HHIPL2: variants seen among roughly 807,000 people sequenced by gnomAD.
HHIPL2 encodes HHIP-like protein 2.
A neutral mutation model predicts 61.0 loss-of-function variants in HHIPL2; 61 were observed. The ratio of observed to expected loss-of-function variants is 1.00; its 90% CI spans 0.81 to 1.24. The LOEUF (loss-of-function observed/expected upper bound fraction) is 1.24, where lower values mean the gene tolerates loss of function less well. Ranked by LOEUF, HHIPL2 falls within the 50% of genes most tolerant of loss-of-function variation. The probability of loss-of-function intolerance (pLI) is 0.00; values close to 1 mark genes in which losing one functional copy is unlikely to be tolerated. For synonymous variants in HHIPL2, 343 were observed against 357.4 expected, an observed-to-expected ratio of 0.96 and a Z score of 0.45; for missense variants, 885 against 910.2, an observed-to-expected ratio of 0.97 and a Z score of 0.36.
At chr1:222,531,823 T>C (rs1190378611) in intron 6 of HHIPL2, 143 bp downstream of exon 6, 3 of 585,894 alleles carry the variant, frequency 5.1e-6, no homozygotes, top group Non-Finnish European at 8.3e-6. Flanking sequence ...CTTAGAATAG[T>C]ATCCAGTACA....
rs73120996 is a variant in HHIPL2, at chr1:222,540,436, C to T, written c.1119-95G>A. ...CAGAAGGGCCGACTCATAGCTGATGCCAAGAGACTGCTAAGGATCCCATGG... is the reference window on the plus strand; with the variant it reads ...CAGAAGGGCCGACTCATAGCTGATGTCAAGAGACTGCTAAGGATCCCATGG... On this transcript the variant is annotated intron_variant, in intron 3 of 8. Coordinates refer to ENST00000343410, the MANE Select transcript of HHIPL2 (RefSeq NM_024746.4). The T allele has an allele frequency of 5.8e-3, 5,389 of 926,708 alleles. 192 individuals are homozygous for T. In the African/African-American group the frequency reaches 0.078, roughly 13 times the overall value. 57.4% of individuals were successfully genotyped at this position (926,708 alleles called of 1,614,324 possible).
Position 222,523,702 on chromosome 1 carries a change from C to T in HHIPL2, c.1806-8G>A. 6.2e-7 allele frequency: 1 copy of T among 1,614,058 alleles called. No homozygotes were observed. The highest frequency in any genetic ancestry group is 8.5e-7 in the Non-Finnish European group (1 of 1,179,938). On this transcript the variant is annotated splice_region_variant and splice_polypyrimidine_tract_variant and intron_variant, in intron 7 of 8. Coordinates refer to ENST00000343410, the MANE Select transcript of HHIPL2 (RefSeq NM_024746.4). ...TTGCCTGGGGGTGCTCGCCTAAAAA[C>T]ACAAACAGAAAGCATGAGGACGCAA... is the stretch of plus-strand genomic sequence containing the variant.
intron 7 of HHIPL2, 49 bp downstream of exon 7, chr1:222,526,920 T>C (rs372101017): frequency 3.9e-5 from 57 of 1,472,866 alleles, no homozygotes; most frequent in Non-Finnish European, 5.2e-5. Context: ...GCCATGGAGA[T>C]AAGAAATGAG....
Position 222,543,949 on chromosome 1 carries a change from C to G in HHIPL2, c.562G>C (p.Asp188His), listed in dbSNP as rs766318020. ...DYCFPNVLRNDYLNRHLGMVA... is the reference protein window; with the variant it reads ...DYCFPNVLRNHYLNRHLGMVA... ...ATGCCCAGGTGGCGGTTGAGATAGT[C>G]GTTCCTCAGGACATTAGGGAAGCAA... Residue 188 changes from aspartate to histidine, a missense_variant, in exon 2 of 9, where the codon GAC becomes CAC. By Grantham distance (81) the Asp-to-His change is moderately conservative. Transcript: ENST00000343410. 3.7e-6 allele frequency: 6 copies of G among 1,614,162 alleles called. No homozygotes were observed. The highest frequency in any genetic ancestry group is 2.2e-5 in the South Asian group (2 of 91,078).
chr1:222,529,971 G>A (rs1659153668), intron 6 of HHIPL2, among the ~76,000 whole-genome samples: 1 of 152,080 alleles, frequency 6.6e-6, no homozygotes, highest in Non-Finnish European at 1.5e-5. Context: ...ATATGGCAAG[G>A]GCAGAAAATA....
rs563813115 is a variant in HHIPL2, at chr1:222,543,967, G to A, written c.544C>T (p.Pro182Ser). The change falls in exon 2 of 9, where the codon CCT (proline) becomes TCT (serine). Residue 182 changes from proline (P) to serine (S), a missense_variant. Coordinates refer to ENST00000343410, the MANE Select transcript of HHIPL2 (RefSeq NM_024746.4). ...AGATAGTCGTTCCTCAGGACATTAG[G>A]GAAGCAATAGTCCTTGTCAGGAAGG... ...LDLPDKDYCF[P>S]NVLRNDYLNR... The A allele has an allele frequency of 1.9e-6, 3 of 1,614,184 alleles. No homozygotes were observed. The highest frequency in any genetic ancestry group is 1.1e-5 in the South Asian group (1 of 91,082).
rs781240863 is a variant in HHIPL2 at position 222,547,722 on chromosome 1, A to G, written c.321+2T>C. ...CTGGGGCTGGAAGGCACTTTTCACTACCTGGCAAAGGATGTCTTTAATGTA... is the reference window on the plus strand; with the variant it reads ...CTGGGGCTGGAAGGCACTTTTCACTGCCTGGCAAAGGATGTCTTTAATGTA... On this transcript the variant is annotated splice_donor_variant, in intron 1 of 8. Transcript: ENST00000343410. LOFTEE classifies it high-confidence loss of function. The G allele has an allele frequency of 1.9e-6, 3 of 1,608,866 alleles. No homozygotes were observed. The highest frequency in any genetic ancestry group is 4.5e-5 in the East Asian group (2 of 44,724).
At position 222,535,248 on chromosome 1, in the gene HHIPL2, G is replaced by T. The variant is rs148636207; in HGVS notation, c.1578-3137C>A. Among the ~76,000 whole-genome samples, 836 of 152,236 alleles carry T rather than the reference G, an allele frequency of 5.5e-3. 4 individuals carry two copies. The highest frequency in any genetic ancestry group is 0.018 in the African/African-American group (730 of 41,530). On this transcript the variant is annotated intron_variant, in intron 5 of 8. Transcript: ENST00000343410. ...CCTAGTGAAAATATCTTTCAAAAAT[G>T]AAGGCAAAATAAAGACTCCAAAAGT...
intron 5 of HHIPL2, among the ~76,000 whole-genome samples, chr1:222,534,266 C>T (rs981335146): frequency 6.6e-6 from 1 of 152,086 alleles, no homozygotes; most frequent in African/African-American, 2.4e-5. Flanking sequence ...GGCATCCAAT[C>T]AAAAATTGTG....
At position 222,543,571 on chromosome 1, in the gene HHIPL2, C is replaced by G. The variant is rs1294693697; in HGVS notation, c.940G>C (p.Ala314Pro). 1.2e-6 allele frequency: 2 copies of G among 1,613,824 alleles called. No individual in the cohort carries two copies. The highest frequency in any genetic ancestry group is 1.1e-5 in the South Asian group (1 of 91,036). The change falls in exon 2 of 9, where the codon GCT (alanine) becomes CCT (proline). Residue 314 changes from alanine to proline, a missense_variant. Physicochemically the swap from Ala to Pro is conservative, Grantham distance 27. Coordinates refer to ENST00000343410, the MANE Select transcript of HHIPL2 (RefSeq NM_024746.4). Reference protein sequence around the residue: ...IRISEMKVSRADPNKADLKSE... With the variant: ...IRISEMKVSRPDPNKADLKSE... ...TTCAGGTCAGCTTTGTTAGGATCAG[C>G]CCGAGAAACCTTCATCTCACTAATT...
At chr1:222,539,670 T>G (rs868324226) in intron 4 of HHIPL2, among the ~76,000 whole-genome samples, 2 of 152,332 alleles carry the variant, frequency 1.3e-5, no homozygotes, top group Middle Eastern at 3.4e-3. Flanking sequence ...AATTTTGGTC[T>G]GCCAGTGGTT....
At chr1:222,529,013 G>T (rs1451065066) in intron 6 of HHIPL2, among the ~76,000 whole-genome samples, 1 of 151,574 alleles carries the variant, frequency 6.6e-6, no homozygotes, top group East Asian at 1.9e-4. Context: ...GTAGAGACGG[G>T]GTTTCCCTAT....
At chr1:222,542,251 G>T in intron 2 of HHIPL2, 96 bp from the exon 3 acceptor site, 1 of 1,448,504 alleles carries the variant, frequency 6.9e-7, no homozygotes, top group Non-Finnish European at 9.3e-7. Context: ...AAGCCACCGA[G>T]ATTTGCCAAG....
intron 3 of HHIPL2, among the ~76,000 whole-genome samples, chr1:222,541,750 C>A (rs1399190065): frequency 6.6e-6 from 1 of 152,040 alleles, no homozygotes; most frequent in African/African-American, 2.4e-5. Flanking sequence ...TGAATAATGA[C>A]CTGCTAATAT....
intron 1 of HHIPL2, 132 bp from the exon 2 acceptor site, chr1:222,544,321 A>G (rs539614477): frequency 1.5e-5 from 14 of 917,818 alleles, no homozygotes; most frequent in Non-Finnish European, 1.8e-5. Flanking sequence ...TTTGTTACCA[A>G]CTGCTGCTAA....
At chr1:222,531,944 A>C in intron 6 of HHIPL2, 22 bp downstream of exon 6, 1 of 1,570,644 alleles carries the variant, frequency 6.4e-7, no homozygotes, top group Non-Finnish European at 8.7e-7. Context: ...GCAGAAATCA[A>C]ACAACTCTGT....
rs1273310969 is a variant in HHIPL2, at chr1:222,543,759, A to G, written c.752T>C (p.Leu251Pro). ...CTTGAGGTCCAGGAAGGGTTGCTCC[A>G]GGCGACTCCCATCAGGGAGGTAGAC... ...VWVYLPDGSRLEQPFLDLKNI... is the reference protein window; with the variant it reads ...VWVYLPDGSRPEQPFLDLKNI... The change falls in exon 2 of 9, where the codon CTG becomes CCG. Residue 251 changes from leucine (L) to proline (P), a missense_variant. Leu to Pro is a moderately conservative substitution (Grantham distance 98). Transcript: ENST00000343410. The G allele has an allele frequency of 6.2e-7, 1 of 1,614,138 alleles. No homozygotes were observed. Among genetic ancestry groups the G allele is most frequent in the African/African-American group, 1.3e-5 (1 of 75,032 alleles).
At position 222,548,060 on chromosome 1, in the gene HHIPL2, A is replaced by G. The variant is rs1388738947; in HGVS notation, c.-16T>C. 1.3e-6 allele frequency: 2 copies of G among 1,532,658 alleles called. No individual in the cohort carries two copies. The highest frequency in any genetic ancestry group is 3.9e-5 in the Admixed American group (2 of 50,870). 94.9% of individuals were successfully genotyped at this position (1,532,658 alleles called of 1,614,324 possible). A position where few individuals can be genotyped will look rare whatever the true frequency, so the allele number is the denominator to read the frequency against. On this transcript the variant is annotated 5_prime_UTR_variant, in exon 1 of 9. Transcript: ENST00000343410. ...TTCTCAGCATTTTGGCCTTGGGAAC[A>G]CTCGGGCTGCTGTGTTTGCTCAGGT...
chr1:222,544,795 T>C (rs896399624), intron 1 of HHIPL2, among the ~76,000 whole-genome samples: 5 of 152,266 alleles, frequency 3.3e-5, no homozygotes, highest in African/African-American at 1.2e-4. Context: ...TATTTTTCTG[T>C]GCTTTTCCAT....
Sources: gnomAD v4.1 joint callset for allele counts (sites outside exome capture counted in the v4.1 genomes callset) on GRCh38, gnomAD v4.1.1 for gene constraint, MANE v1.5 for transcripts, NCBI Gene and HGNC (gene_info 2026-07-23, HGNC 2026-07-21) for gene names.